The following FKBP5 variants were observed in gnomAD, a reference collection of about 807,000 sequenced individuals.
The protein encoded by FKBP5 is FKBP prolyl isomerase 5.
Under a neutral mutation model 50.5 loss-of-function variants are expected in FKBP5, and 23 were observed. The ratio of observed to expected loss-of-function variants is 0.46; its 90% CI spans 0.33 to 0.65. The LOEUF is 0.65. Among genes scored for constraint, FKBP5 ranks in the 30% least tolerant of loss-of-function variants. The probability of loss-of-function intolerance (pLI) is 0.02; values close to 1 mark genes in which losing one functional copy is unlikely to be tolerated. For missense variants in FKBP5, 411 were observed against 553.1 expected (o/e 0.74, Z 2.58); for synonymous variants, 176 against 190.6 (o/e 0.92, Z 0.63).
intron 1 of FKBP5, among the ~76,000 whole-genome samples, chr6:35,667,048 T>C (rs1312905735): frequency 1.4e-5 from 2 of 147,522 alleles, no homozygotes; most frequent in African/African-American, 5.2e-5. Context: ...TGTGTGTGTG[T>C]GTGTGTGTGT....
upstream of FKBP5, among the ~76,000 whole-genome samples, chr6:35,690,289 A>G (rs1031792732): frequency 1.3e-5 from 2 of 152,022 alleles, no homozygotes; most frequent in African/African-American, 4.8e-5. Flanking sequence ...ACCAACATGG[A>G]GAAACCCCGT....
intron 1 of FKBP5, among the ~76,000 whole-genome samples, chr6:35,676,646 T>C (rs1765529143): frequency 6.6e-6 from 1 of 152,350 alleles, no homozygotes; most frequent in Non-Finnish European, 1.5e-5. Flanking sequence ...ATCCCTATAT[T>C]ATCTGTAGTT....
At chr6:35,682,465 C>T (rs1168476379) in intron 1 of FKBP5, among the ~76,000 whole-genome samples, 2 of 152,144 alleles carry the variant, frequency 1.3e-5, no homozygotes, top group Non-Finnish European at 2.9e-5. Flanking sequence ...GATAGGAACA[C>T]TGAGAACAAG....
intron 1 of FKBP5, among the ~76,000 whole-genome samples, chr6:35,672,030 A>G (rs142423206): frequency 0.011 from 1,714 of 152,138 alleles, 16 homozygotes; most frequent in South Asian, 0.033. Flanking sequence ...CACCACGCCC[A>G]GCTAATTTTT....
intron 2 of FKBP5, among the ~76,000 whole-genome samples, chr6:35,706,424 C>CAAAAAAAAAAAAAAAA (rs71002595): frequency 9.6e-6 from 1 of 103,856 alleles, no homozygotes; most frequent in Non-Finnish European, 2.0e-5. Context: ...AACTCTGTCT[C>CAAAAAAAAAAAAAAAA]AAAAAAAAAA....
rs1380380378 is a variant in FKBP5, at chr6:35,585,929, T to A, written c.840+1105A>T. On this transcript the variant is annotated intron_variant, in intron 8 of 10. Coordinates refer to ENST00000357266, the MANE Select transcript of FKBP5 (RefSeq NM_004117.4). ...TCTAGTTGTTTCATTTGGATTAACATTGCCACTCCTCCCTCCTGACAAGGT... is the reference window on the plus strand; with the variant it reads ...TCTAGTTGTTTCATTTGGATTAACAATGCCACTCCTCCCTCCTGACAAGGT... 7.1e-6 allele frequency: 7 copies of A among 984,534 alleles called. No individual in the cohort carries two copies. In the East Asian group the frequency reaches 6.8e-4, roughly 96 times the overall value. The allele number at this position is 984,534 out of a possible 1,614,324, so 61.0% of individuals were successfully genotyped here.
At chr6:35,669,971 TC>T (rs1765339719) in intron 1 of FKBP5, among the ~76,000 whole-genome samples, 2 of 152,164 alleles carry the variant, frequency 1.3e-5, no homozygotes, top group Admixed American at 6.5e-5. Context: ...TTCTTCCCAT[TC>T]CCCCATTCTG....
intron 2 of FKBP5, among the ~76,000 whole-genome samples, chr6:35,720,106 T>A (rs1466090723): frequency 1.3e-5 from 2 of 152,186 alleles, no homozygotes; most frequent in Non-Finnish European, 2.9e-5. Context: ...ACCCTGGCTG[T>A]GCTCCGTGCA....
chr6:35,580,164 T>C lies in FKBP5; in HGVS notation c.898A>G (p.Met300Val). The C allele has an allele frequency of 6.2e-7, 1 of 1,614,112 alleles. No homozygotes were observed. The highest frequency in any genetic ancestry group is 1.3e-5 in the African/African-American group (1 of 75,046). ...QYGKIVSWLE[M>V]EYGLSEKESK... The stretch of plus-strand genomic sequence containing the variant: ...TCCTTTTCTGATAAACCATATTCCA[T>C]CTCTAACCAGGACACTATCTTCCCA... Residue 300 changes from methionine to valine, a missense_variant, in exon 9 of 11, where the codon ATG becomes GTG. By Grantham distance (21) the Met-to-Val change is conservative. This residue lies in a region of FKBP5 where 267 missense variants were observed against 405.9 expected (regional missense o/e 0.66). Coordinates refer to ENST00000357266, the MANE Select transcript of FKBP5 (RefSeq NM_004117.4).
chr6:35,681,591 T>C (rs1561892448), intron 1 of FKBP5, among the ~76,000 whole-genome samples: 1 of 152,200 alleles, frequency 6.6e-6, no homozygotes. Flanking sequence ...TTCATCTATG[T>C]TGCTATGTGA....
At chr6:35,644,978 C>T (rs1446069235) in intron 1 of FKBP5, among the ~76,000 whole-genome samples, 1 of 152,026 alleles carries the variant, frequency 6.6e-6, no homozygotes, top group African/African-American at 2.4e-5. Flanking sequence ...GGGAAAGTAC[C>T]CCACAGATTA....
chr6:35,722,885 T>C (rs1561910622), intron 1 of FKBP5, among the ~76,000 whole-genome samples: 1 of 152,254 alleles, frequency 6.6e-6, no homozygotes, highest in Non-Finnish European at 1.5e-5. Context: ...CCAGGTTTTG[T>C]GTCCCCAGTT....
At chr6:35,710,605 T>G (rs2151021658) in intron 2 of FKBP5, among the ~76,000 whole-genome samples, 1 of 152,336 alleles carries the variant, frequency 6.6e-6, no homozygotes, top group Non-Finnish European at 1.5e-5. Flanking sequence ...TCTTTTGAAG[T>G]TAAGCATACA....
rs752633518 is a variant in FKBP5, at chr6:35,587,074, T to C, written c.800A>G (p.Gln267Arg). 6.2e-7 allele frequency: 1 copy of C among 1,614,134 alleles called. No individual in the cohort carries two copies. The highest frequency in any genetic ancestry group is 1.3e-5 in the African/African-American group (1 of 75,052). ...TCCCTTCTCTTTGACAATGGCAGCC[T>C]GCTCCAATTTTTCTTTGGTATCCAT... ...WEMDTKEKLE[Q>R]AAIVKEKGTV... The change falls in exon 8 of 11, where the codon CAG (glutamine) becomes CGG (arginine). Residue 267 changes from glutamine to arginine, a missense_variant. Transcript: ENST00000357266.
At chr6:35,707,170 C>T (rs1365687158) in intron 2 of FKBP5, among the ~76,000 whole-genome samples, 1 of 149,340 alleles carries the variant, frequency 6.7e-6, no homozygotes, top group Non-Finnish European at 1.5e-5. Flanking sequence ...TTACCAGATA[C>T]TTGAACTACT....
intron 8 of FKBP5, chr6:35,585,635 G>T: frequency 1.1e-6 from 1 of 946,392 alleles, no homozygotes; most frequent in Non-Finnish European, 1.3e-6. Context: ...AGTAAATAAT[G>T]ATAAATAACA....
intron 1 of FKBP5, among the ~76,000 whole-genome samples, chr6:35,683,118 ATATGTGTGTGTGTGTGTGTGTGTGTG>A (rs1338729069): frequency 1.9e-4 from 21 of 108,814 alleles, no homozygotes; most frequent in East Asian, 3.0e-4. Flanking sequence ...ATATATACGT[ATATGTGTGTGTGTGTGTGTGTGTGTG>A]TGTGTGTGTG....
chr6:35,712,040 A>AC (rs1396306094), intron 2 of FKBP5, among the ~76,000 whole-genome samples: 3 of 90,632 alleles, frequency 3.3e-5, no homozygotes, highest in African/African-American at 1.4e-4. Flanking sequence ...CACTGGGCTA[A>AC]TTAAAAAAAA....
chr6:35,592,336 T>G (rs1762846970), intron 6 of FKBP5, among the ~76,000 whole-genome samples: 1 of 152,190 alleles, frequency 6.6e-6, no homozygotes, highest in Non-Finnish European at 1.5e-5. Context: ...GCCTGGATTT[T>G]CCAGGAATAA....
Sources: gnomAD v4.1 joint callset for allele counts (sites outside exome capture counted in the v4.1 genomes callset) on GRCh38, gnomAD v4.1.1 for gene constraint, gnomAD v4.1.1 regional missense constraint, MANE v1.5 for transcripts, NCBI Gene and HGNC (gene_info 2026-07-23, HGNC 2026-07-21) for gene names.